Variants in HSPA4 observed in about 807,000 individuals in gnomAD.
HSPA4 encodes heat shock 70 kDa protein 4.
A neutral mutation model predicts 106.2 loss-of-function variants in HSPA4; 25 were observed. The ratio of observed to expected loss-of-function variants is 0.24; its 90% CI spans 0.17 to 0.33. The LOEUF (loss-of-function observed/expected upper bound fraction) is 0.33. HSPA4 is among the 10% of genes least tolerant of loss of function. The pLI is 1.00. For missense variants in HSPA4, 841 were observed against 996.0 expected (o/e 0.84, Z 2.10); for synonymous variants, 332 against 333.6 (o/e 1.00, Z 0.05).
chr5:133,066,307 A>G (rs924659487), intron 2 of HSPA4, among the ~76,000 whole-genome samples: 2 of 152,166 alleles, frequency 1.3e-5, no homozygotes, highest in African/African-American at 4.8e-5. Context: ...TCTAGTTGAT[A>G]CAGGAGCTTA....
At chr5:133,053,183 C>A (rs796430739) in intron 1 of HSPA4, among the ~76,000 whole-genome samples, 11 of 152,254 alleles carry the variant, frequency 7.2e-5, no homozygotes, top group African/African-American at 2.6e-4. Context: ...AGACACAGTT[C>A]TAAAAAATGG....
rs553204468 is a variant in HSPA4, at chr5:133,068,052, C to T, written c.306+495C>T. 5.3e-5 allele frequency among the ~76,000 whole-genome samples: 8 copies of T among 152,150 alleles called. No individual in the cohort carries two copies. In the South Asian group the frequency reaches 1.7e-3, roughly 32 times the overall value. ...GGATTACAGGCACGTGCCACCATGC[C>T]TGGGTAGTTTTTTGCATCTTTAGTA... On this transcript the variant is annotated intron_variant, in intron 3 of 18. Transcript: ENST00000304858.
At chr5:133,058,330 G>C (rs369932799) in intron 1 of HSPA4, among the ~76,000 whole-genome samples, 1 of 152,114 alleles carries the variant, frequency 6.6e-6, no homozygotes, top group South Asian at 2.1e-4. Context: ...GCAGTGAGCC[G>C]TGATTGAGTA....
In HSPA4 at chr5:133,102,913, C is replaced by CTTTTTTTTTTTT. The variant is rs533273263; in HGVS notation, c.2158-946_2158-935dup. On this transcript the variant is annotated intron_variant, in intron 17 of 18. Transcript: ENST00000304858. Reference sequence around the variant, plus strand: ...TACCACCACACCCAACTAGGGTTGTCTTTTTTTTTTTTTTTTTGAGATGGC... The same window carrying CTTTTTTTTTTTT: ...TACCACCACACCCAACTAGGGTTGTCTTTTTTTTTTTTTTTTTTTTTTTTTTTTTGAGATGGC... Among the ~76,000 whole-genome samples, 411 of 103,210 alleles carry CTTTTTTTTTTTT rather than the reference C, an allele frequency of 4.0e-3. 21 individuals are homozygous for CTTTTTTTTTTTT. Among genetic ancestry groups the CTTTTTTTTTTTT allele is most frequent in the African/African-American group, 7.7e-3 (178 of 23,258 alleles). 67.7% of individuals were successfully genotyped at this position (103,210 alleles called of 152,430 possible).
intron 2 of HSPA4, 143 bp downstream of exon 2, chr5:133,065,180 A>G (rs1023004454): frequency 1.3e-5 from 8 of 631,256 alleles, no homozygotes; most frequent in African/African-American, 3.7e-5. Flanking sequence ...CTCTGTTCCC[A>G]TGTACAGTCA....
At chr5:133,052,382 G>T (rs572136769) in intron 1 of HSPA4, 25 bp downstream of exon 1, 4 of 1,392,756 alleles carry the variant, frequency 2.9e-6, no homozygotes. Flanking sequence ...GGCCTGCCGC[G>T]TGCACTGGGG....
intron 7 of HSPA4, among the ~76,000 whole-genome samples, chr5:133,080,827 T>G (rs1765505540): frequency 6.6e-6 from 1 of 152,216 alleles, no homozygotes; most frequent in African/African-American, 2.4e-5. Flanking sequence ...TCTGATTTGT[T>G]CTTTCATTTC....
intron 6 of HSPA4, among the ~76,000 whole-genome samples, chr5:133,075,698 T>C (rs540255360): frequency 6.6e-6 from 1 of 152,034 alleles, no homozygotes; most frequent in South Asian, 2.1e-4. Context: ...GATGTGGTGA[T>C]GTGTGCCTGT....
chr5:133,067,111 T>C (rs1274267948), intron 2 of HSPA4, among the ~76,000 whole-genome samples: 1 of 152,232 alleles, frequency 6.6e-6, no homozygotes. Flanking sequence ...AAAGTTATTT[T>C]ATGTAAATGT....
At position 133,089,651 on chromosome 5, in the gene HSPA4, A is replaced by T. The variant is rs773867059; in HGVS notation, c.1334A>T (p.Tyr445Phe). The T allele has an allele frequency of 6.2e-7, 1 of 1,611,234 alleles. No individual in the cohort carries two copies. The highest frequency in any genetic ancestry group is 8.5e-7 in the Non-Finnish European group (1 of 1,178,132). ...YRKEPFTLEA[Y>F]YSSPQDLPYP... The stretch of plus-strand genomic sequence containing the variant: ...AAGGAACCTTTCACTCTTGAGGCCT[A>T]CTACAGCTCTCCTCAGGATTTGCCC... Residue 445 changes from tyrosine (Y) to phenylalanine (F), a missense_variant, in exon 11 of 19, where the codon TAC (tyrosine) becomes TTC (phenylalanine). Tyr to Phe is a conservative substitution (Grantham distance 22). Coordinates refer to ENST00000304858, the MANE Select transcript of HSPA4 (RefSeq NM_002154.4).
chr5:133,054,007 C>T (rs1349446554), intron 1 of HSPA4, among the ~76,000 whole-genome samples: 1 of 151,976 alleles, frequency 6.6e-6, no homozygotes, highest in Non-Finnish European at 1.5e-5. Flanking sequence ...CAATTTTTGT[C>T]ACATTTCTTC....
intron 1 of HSPA4, among the ~76,000 whole-genome samples, chr5:133,055,678 AACC>A (rs1290976242): frequency 6.6e-6 from 1 of 152,162 alleles, no homozygotes; most frequent in Admixed American, 6.6e-5. Context: ...TGGTGGATTA[AACC>A]AAATACTAAA....
intron 4 of HSPA4, among the ~76,000 whole-genome samples, chr5:133,071,176 C>G (rs1187397091): frequency 6.9e-6 from 1 of 145,756 alleles, no homozygotes; most frequent in Non-Finnish European, 1.5e-5. Context: ...GCGTTAAAGA[C>G]AAAGGCAAGG....
intron 2 of HSPA4, among the ~76,000 whole-genome samples, chr5:133,066,736 C>CTTTTTTTT (rs58483780): frequency 1.5e-5 from 2 of 129,440 alleles, no homozygotes; most frequent in Non-Finnish European, 1.7e-5. Flanking sequence ...TTTCTTTTTT[C>CTTTTTTTT]TTTTTTTTTT....
chr5:133,080,242 C>T (rs1423483362), intron 7 of HSPA4, among the ~76,000 whole-genome samples: 1 of 151,418 alleles, frequency 6.6e-6, no homozygotes, highest in South Asian at 2.1e-4. Context: ...GGCAAAACCT[C>T]GTCTCTACTA....
At chr5:133,058,954 C>T (rs1403653523) in intron 1 of HSPA4, among the ~76,000 whole-genome samples, 2 of 151,694 alleles carry the variant, frequency 1.3e-5, no homozygotes, top group Non-Finnish European at 2.9e-5. Context: ...ATGCTGAAAC[C>T]CTGCCTCTAC....
chr5:133,084,110 A>G (rs1040532657), intron 7 of HSPA4, among the ~76,000 whole-genome samples: 43 of 152,236 alleles, frequency 2.8e-4, no homozygotes, highest in African/African-American at 1.0e-3. Context: ...TCAGGCTTCC[A>G]TAACCACTGA....
In HSPA4 at chr5:133,089,627, A is replaced by G; in HGVS notation, c.1310A>G (p.Lys437Arg). ...TCTAAAGTTCTTACATTTTATAGAAAGGAACCTTTCACTCTTGAGGCCTAC... is the reference window on the plus strand; with the variant it reads ...TCTAAAGTTCTTACATTTTATAGAAGGGAACCTTTCACTCTTGAGGCCTAC... ...PFSKVLTFYR[K>R]EPFTLEAYYS... The change falls in exon 11 of 19, where the codon AAG (lysine) becomes AGG (arginine). Residue 437 changes from lysine to arginine, a missense_variant. Coordinates refer to ENST00000304858, the MANE Select transcript of HSPA4 (RefSeq NM_002154.4). 1.2e-6 allele frequency: 2 copies of G among 1,613,098 alleles called. No homozygotes were observed. Among genetic ancestry groups the G allele is most frequent in the Non-Finnish European group, 8.5e-7 (1 of 1,179,160 alleles).
chr5:133,096,188 A>T lies in HSPA4; in HGVS notation c.1741A>T (p.Ile581Phe). ...GAAGACCAGTACTGTGGACCTGCCA[A>T]TCGAGAATCAGCTATTATGGCAGAT... is the stretch of plus-strand genomic sequence containing the variant. ...KVKTSTVDLP[I>F]ENQLLWQIDR... is the part of the protein sequence containing the mutation. The change falls in exon 14 of 19, where the codon ATC (isoleucine) becomes TTC (phenylalanine). Residue 581 changes from isoleucine (I) to phenylalanine (F), a missense_variant. Around this residue, in one of 5 missense-constraint regions of HSPA4, gnomAD observed 328 missense variants for 372.2 expected, o/e 0.88. Transcript: ENST00000304858. 1 of 1,614,020 alleles carries T rather than the reference A, an allele frequency of 6.2e-7. No individual in the cohort carries two copies. The highest frequency in any genetic ancestry group is 8.5e-7 in the Non-Finnish European group (1 of 1,179,882).
Sources: gnomAD v4.1 joint callset for allele counts (sites outside exome capture counted in the v4.1 genomes callset) on GRCh38, gnomAD v4.1.1 for gene constraint, gnomAD v4.1.1 regional missense constraint, MANE v1.5 for transcripts, NCBI Gene and HGNC (gene_info 2026-07-23, HGNC 2026-07-21) for gene names.